Variants in RUNX1 observed in about 807,000 individuals in gnomAD.
RUNX1 encodes the protein RUNX family transcription factor 1, also known as runt-related transcription factor 1.
In RUNX1, 19 loss-of-function variants were observed where a neutral mutation model predicts 42.8. That is an observed-to-expected ratio of 0.44 (90% confidence interval 0.31 to 0.65). The LOEUF (loss-of-function observed/expected upper bound fraction) is 0.65. Among genes scored for constraint, RUNX1 ranks in the 30% least tolerant of loss-of-function variants. RUNX1 has a pLI of 0.07. For synonymous variants in RUNX1, 271 were observed against 289.4 expected (o/e 0.94, Z 0.64); for missense variants, 528 against 672.0 (o/e 0.79, Z 2.37).
At chr21:34,996,656 C>T (rs931401074) in intron 2 of RUNX1, among the ~76,000 whole-genome samples, 1 of 152,096 alleles carries the variant, frequency 6.6e-6, no homozygotes, top group Non-Finnish European at 1.5e-5. Context: ...CTATTGTTCT[C>T]TCCTACTTAA....
At chr21:34,883,947 T>C (rs550411388) in intron 4 of RUNX1, among the ~76,000 whole-genome samples, 1 of 152,350 alleles carries the variant, frequency 6.6e-6, no homozygotes, top group African/African-American at 2.4e-5. Context: ...ATATTACTTA[T>C]TTCCTTTTTA....
chr21:35,022,308 T>G (rs1337513068), intron 2 of RUNX1, among the ~76,000 whole-genome samples: 1 of 152,124 alleles, frequency 6.6e-6, no homozygotes, highest in Non-Finnish European at 1.5e-5. Flanking sequence ...AAAGAGAGGT[T>G]CCTTCTCGGT....
intron 2 of RUNX1, among the ~76,000 whole-genome samples, chr21:35,018,225 C>T (rs1367408327): frequency 3.9e-5 from 6 of 152,110 alleles, no homozygotes; most frequent in African/African-American, 1.4e-4. Flanking sequence ...AGGGTTTCAT[C>T]ATGTTGGCCA....
chr21:34,893,968 A>G lies in RUNX1; in HGVS notation c.59-1005T>C, dbSNP rs60483755. 6.6e-3 allele frequency among the ~76,000 whole-genome samples: 1,007 copies of G among 152,210 alleles called. 23 individuals carry two copies. Among genetic ancestry groups the G allele is most frequent in the African/African-American group, 0.023 (960 of 41,504 alleles). The stretch of plus-strand genomic sequence containing the variant: ...GAAATATTAAAGGAATTAAATATGT[A>G]TAGTCTCAAAGGAGCATCCAAAAAA... On this transcript the variant is annotated intron_variant, in intron 2 of 8. Transcript: ENST00000675419.
chr21:34,900,005 G>A (rs998802204), intron 2 of RUNX1, among the ~76,000 whole-genome samples: 1 of 152,126 alleles, frequency 6.6e-6, no homozygotes, highest in Non-Finnish European at 1.5e-5. Flanking sequence ...AAGCTATGTG[G>A]ACATTCTTTC....
At chr21:34,960,985 T>TTGTAAGCATAAGATA (rs2058677985) in intron 2 of RUNX1, among the ~76,000 whole-genome samples, 3 of 152,180 alleles carry the variant, frequency 2.0e-5, no homozygotes, top group Non-Finnish European at 4.4e-5. Context: ...GAAGATAAAA[T>TTGTAAGCATAAGATA]AGTCTTGTAG....
chr21:34,923,571 T>G (rs1484971308), intron 2 of RUNX1, among the ~76,000 whole-genome samples: 1 of 152,222 alleles, frequency 6.6e-6, no homozygotes, highest in Non-Finnish European at 1.5e-5. Context: ...TGACCTAGTT[T>G]ATAAAGTCTA....
chr21:34,961,361 AATAATAATAATAATG>A (rs979324270), intron 2 of RUNX1, among the ~76,000 whole-genome samples: 1 of 144,008 alleles, frequency 6.9e-6, no homozygotes, highest in Non-Finnish European at 1.5e-5. Flanking sequence ...ATCTCAAAAT[AATAATAATAATAATG>A]ATAATAATAA....
intron 2 of RUNX1, among the ~76,000 whole-genome samples, chr21:34,946,138 C>G (rs950865881): frequency 3.9e-5 from 6 of 152,172 alleles, no homozygotes; most frequent in African/African-American, 9.7e-5. Flanking sequence ...CATGAATTCC[C>G]TCTCTGAACT....
intron 2 of RUNX1, among the ~76,000 whole-genome samples, chr21:34,993,497 CT>C (rs1447458008): frequency 0.059 from 7,020 of 119,150 alleles, 603 homozygotes; most frequent in African/African-American, 0.23. Flanking sequence ...TTGTTTGTCC[CT>C]ACACACACAC....
At chr21:34,863,797 G>A (rs1035817348) in intron 5 of RUNX1, among the ~76,000 whole-genome samples, 3 of 151,750 alleles carry the variant, frequency 2.0e-5, no homozygotes, top group South Asian at 2.1e-4. Flanking sequence ...ATTGTGATCC[G>A]CCCACCTTGG....
At chr21:34,848,554 C>G (rs537956549) in intron 6 of RUNX1, among the ~76,000 whole-genome samples, 1 of 152,226 alleles carries the variant, frequency 6.6e-6, no homozygotes, top group African/African-American at 2.4e-5. Flanking sequence ...CCTGCCTCAG[C>G]ATCCCGAGTA....
At chr21:34,963,575 GAAGAA>G (rs2058696484) in intron 2 of RUNX1, among the ~76,000 whole-genome samples, 1 of 152,184 alleles carries the variant, frequency 6.6e-6, no homozygotes, top group Admixed American at 6.5e-5. Flanking sequence ...GGGAGAAGGA[GAAGAA>G]AAGACCTGAA....
At chr21:34,830,052 T>C (rs1357600135) in intron 7 of RUNX1, 1 of 152,166 alleles carries the variant, frequency 6.6e-6, no homozygotes, top group Non-Finnish European at 1.5e-5. Flanking sequence ...TAACTTTAAT[T>C]TTGGGGGAAA....
At chr21:34,866,809 C>A (rs559634806) in intron 5 of RUNX1, among the ~76,000 whole-genome samples, 9 of 152,200 alleles carry the variant, frequency 5.9e-5, no homozygotes, top group Admixed American at 3.9e-4. Context: ...TTGATCCAAT[C>A]GCACTCACAT....
intron 2 of RUNX1, among the ~76,000 whole-genome samples, chr21:35,046,500 G>A (rs1035596920): frequency 9.2e-5 from 14 of 152,218 alleles, no homozygotes; most frequent in African/African-American, 2.4e-4. Flanking sequence ...AGAAGTGACC[G>A]CATTGACCAC....
chr21:34,995,011 G>A (rs938432725), intron 2 of RUNX1, among the ~76,000 whole-genome samples: 1 of 152,230 alleles, frequency 6.6e-6, no homozygotes, highest in African/African-American at 2.4e-5. Context: ...AAGTCTAGGA[G>A]AACATGAATC....
intron 2 of RUNX1, among the ~76,000 whole-genome samples, chr21:35,035,257 A>G (rs1048426066): frequency 6.6e-6 from 1 of 152,288 alleles, no homozygotes; most frequent in East Asian, 1.9e-4. Flanking sequence ...ACAGATGAGG[A>G]AAAGGGAGAA....
chr21:34,800,037 A>G lies in RUNX1; in HGVS notation c.806-575T>C, dbSNP rs575937813. ...AGAAGGTCTGGCTGGGAAACCGGCA[A>G]TGAGGTCTAATGACTAGTTCACAAA... On this transcript the variant is annotated intron_variant, in intron 7 of 8. Transcript: ENST00000675419. Among the ~76,000 whole-genome samples, 62 of 152,310 alleles carry G rather than the reference A, an allele frequency of 4.1e-4. 1 individual carries two copies. The highest frequency in any genetic ancestry group is 1.5e-3 in the African/African-American group (61 of 41,568).
Sources: gnomAD v4.1 joint callset for allele counts (sites outside exome capture counted in the v4.1 genomes callset) on GRCh38, gnomAD v4.1.1 for gene constraint, MANE v1.5 for transcripts, NCBI Gene and HGNC (gene_info 2026-07-23, HGNC 2026-07-21) for gene names.